RASGRF2: variants seen among roughly 807,000 people sequenced by gnomAD.
The protein encoded by RASGRF2 is Ras protein specific guanine nucleotide releasing factor 2, also known as ras-specific guanine nucleotide-releasing factor 2.
In RASGRF2, 76 loss-of-function variants were observed where a neutral mutation model predicts 151.0. That is an observed-to-expected ratio of 0.50 (90% CI 0.42 to 0.61). The LOEUF (loss-of-function observed/expected upper bound fraction) is 0.61, where lower values mean the gene tolerates loss of function less well. Among genes scored for constraint, RASGRF2 ranks in the 20% least tolerant of loss-of-function variants. The pLI is 0.00. For synonymous variants in RASGRF2, 504 were observed against 566.5 expected (o/e 0.89, Z 1.57); for missense variants, 1,148 against 1,564.6 (o/e 0.73, Z 4.49).
At chr5:81,221,774 C>T (rs1755861507) in intron 26 of RASGRF2, among the ~76,000 whole-genome samples, 2 of 152,166 alleles carry the variant, frequency 1.3e-5, no homozygotes, top group Admixed American at 6.5e-5. Context: ...GTCAGGAGTT[C>T]AAGACCAGCC....
intron 22 of RASGRF2, 66 bp from the exon 23 acceptor site, chr5:81,212,300 A>G: frequency 2.5e-6 from 3 of 1,189,952 alleles, no homozygotes; most frequent in Non-Finnish European, 3.6e-6. Context: ...GATAATTTAC[A>G]TATTTTGCCT....
intron 2 of RASGRF2, among the ~76,000 whole-genome samples, chr5:81,048,940 C>T (rs572058258): frequency 1.3e-5 from 2 of 152,170 alleles, no homozygotes; most frequent in Admixed American, 1.3e-4. Flanking sequence ...GCACATGCAG[C>T]CCGGCTTCTT....
intron 18 of RASGRF2, among the ~76,000 whole-genome samples, chr5:81,183,660 T>C (rs941955880): frequency 1.3e-5 from 2 of 152,212 alleles, no homozygotes; most frequent in Non-Finnish European, 2.9e-5. Flanking sequence ...CAAACTGGGT[T>C]TCTCTCATGT....
At chr5:80,976,254 G>T (rs1474797323) in intron 1 of RASGRF2, among the ~76,000 whole-genome samples, 1 of 152,186 alleles carries the variant, frequency 6.6e-6, no homozygotes, top group African/African-American at 2.4e-5. Context: ...CTAATTTGGG[G>T]TTAACACTGA....
intron 18 of RASGRF2, among the ~76,000 whole-genome samples, chr5:81,190,634 G>A (rs1320886265): frequency 6.6e-6 from 1 of 151,378 alleles, no homozygotes; most frequent in African/African-American, 2.4e-5. Flanking sequence ...TTTTTCTCTG[G>A]TCCAGGCAAA....
chr5:81,096,246 T>A (rs140129624), intron 12 of RASGRF2: 145 of 152,320 alleles, frequency 9.5e-4, no homozygotes, highest in African/African-American at 3.2e-3. Flanking sequence ...TGGACTTGCA[T>A]CCTTGTGGTG....
rs1482635913 is a variant in RASGRF2 at position 81,227,108 on chromosome 5, A to T, written c.*1338A>T. The T allele has an allele frequency of 2.0e-5, 3 of 152,238 alleles. No homozygotes were observed. The highest frequency in any genetic ancestry group is 4.4e-5 in the Non-Finnish European group (3 of 68,040). 9.4% of individuals were successfully genotyped at this position (152,238 alleles called of 1,614,324 possible). A position where few individuals can be genotyped will look rare whatever the true frequency, so the allele number is the denominator to read the frequency against. ...AGTTCTATTTCCCTGAACCTGTTGC[A>T]CCTGACATTTTCTCTTAGCAGCATG... On this transcript the variant is annotated 3_prime_UTR_variant, in exon 27 of 27. Coordinates refer to ENST00000265080, the MANE Select transcript of RASGRF2 (RefSeq NM_006909.3).
chr5:81,193,166 C>A (rs552104751), intron 18 of RASGRF2, among the ~76,000 whole-genome samples: 1 of 152,306 alleles, frequency 6.6e-6, no homozygotes, highest in South Asian at 2.1e-4. Context: ...ATCAGATTTT[C>A]CCAATGTCCT....
At chr5:81,049,995 T>G (rs1188329809) in intron 2 of RASGRF2, among the ~76,000 whole-genome samples, 2 of 152,308 alleles carry the variant, frequency 1.3e-5, no homozygotes, top group East Asian at 3.9e-4. Flanking sequence ...CAGCTTCATG[T>G]TCCCTTCCTG....
intron 15 of RASGRF2, among the ~76,000 whole-genome samples, chr5:81,123,125 A>G (rs1382677359): frequency 6.6e-6 from 1 of 152,196 alleles, no homozygotes; most frequent in Non-Finnish European, 1.5e-5. Flanking sequence ...GTAAATTTAC[A>G]TAGCCACGTT....
intron 17 of RASGRF2, among the ~76,000 whole-genome samples, chr5:81,156,831 A>C (rs73768024): frequency 0.023 from 3,427 of 152,238 alleles, 139 homozygotes; most frequent in African/African-American, 0.077. Flanking sequence ...AAATGCAATA[A>C]GAAAAAGATA....
intron 17 of RASGRF2, among the ~76,000 whole-genome samples, chr5:81,178,623 A>T (rs1473982736): frequency 1.3e-5 from 2 of 152,234 alleles, no homozygotes; most frequent in African/African-American, 4.8e-5. Flanking sequence ...ATATAGGGAC[A>T]TGAAGGTTAT....
Position 81,038,382 on chromosome 5 carries a change from T to A in RASGRF2, c.289-4495T>A, listed in dbSNP as rs887143863. The stretch of plus-strand genomic sequence containing the variant: ...AACAGTATTGTCAGGTGTTTTAATT[T>A]CTGTCCATCTAATGGGAATGAACTG... On this transcript the variant is annotated intron_variant, in intron 1 of 26. Coordinates refer to ENST00000265080, the MANE Select transcript of RASGRF2 (RefSeq NM_006909.3). Among the ~76,000 whole-genome samples, 10 of 152,042 alleles carry A rather than the reference T, an allele frequency of 6.6e-5. No homozygotes were observed. In the South Asian group the frequency reaches 1.7e-3, roughly 25 times the overall value.
At chr5:81,052,789 G>C (rs575405577) in intron 2 of RASGRF2, among the ~76,000 whole-genome samples, 30 of 152,250 alleles carry the variant, frequency 2.0e-4, no homozygotes, top group African/African-American at 6.3e-4. Flanking sequence ...GATAGGAGCT[G>C]TACTATTGTC....
At chr5:81,025,911 A>T (rs1240567961) in intron 1 of RASGRF2, among the ~76,000 whole-genome samples, 1 of 151,694 alleles carries the variant, frequency 6.6e-6, no homozygotes, top group Admixed American at 6.6e-5. Context: ...TGTATGTTTT[A>T]TTTTTTTGCA....
chr5:81,013,643 A>G (rs1023896830), intron 1 of RASGRF2, among the ~76,000 whole-genome samples: 6 of 151,614 alleles, frequency 4.0e-5, no homozygotes, highest in African/African-American at 1.5e-4. Context: ...GTGTATGTGT[A>G]TATATATATG....
chr5:81,062,443 T>C (rs1252703171), intron 2 of RASGRF2, among the ~76,000 whole-genome samples: 3 of 152,256 alleles, frequency 2.0e-5, no homozygotes, highest in Non-Finnish European at 4.4e-5. Flanking sequence ...AAAATAAGTA[T>C]AATAAGTTAA....
intron 22 of RASGRF2, among the ~76,000 whole-genome samples, chr5:81,208,957 T>C (rs1296277965): frequency 6.6e-6 from 1 of 152,198 alleles, no homozygotes; most frequent in Non-Finnish European, 1.5e-5. Context: ...ACATAAAAGG[T>C]TCACCTTTGA....
intron 12 of RASGRF2, among the ~76,000 whole-genome samples, chr5:81,104,491 C>T (rs977771138): frequency 2.0e-5 from 3 of 151,884 alleles, no homozygotes; most frequent in Non-Finnish European, 4.4e-5. Flanking sequence ...CATTTTTCAT[C>T]GTTTTTGTGA....
Sources: gnomAD v4.1 joint callset for allele counts (sites outside exome capture counted in the v4.1 genomes callset) on GRCh38, gnomAD v4.1.1 for gene constraint, MANE v1.5 for transcripts, NCBI Gene and HGNC (gene_info 2026-07-23, HGNC 2026-07-21) for gene names.